The following SOBP variants were observed in gnomAD, a reference collection of about 807,000 sequenced individuals.
SOBP encodes the protein sine oculis-binding protein homolog.
In SOBP, 4 loss-of-function variants were observed where a neutral mutation model predicts 53.6. The observed-to-expected ratio is 0.07, with a 90% CI of 0.04 to 0.17. SOBP has a LOEUF of 0.17. Ranked by LOEUF, SOBP falls within the 10% of genes least tolerant of loss-of-function variation. The pLI is 1.00. For synonymous variants in SOBP, 584 were observed against 522.6 expected (o/e 1.12, Z -1.60); for missense variants, 1,088 against 1,204.7 (o/e 0.90, Z 1.43).
At chr6:107,622,672 C>T (rs1583282606) in intron 5 of SOBP, among the ~76,000 whole-genome samples, 1 of 152,136 alleles carries the variant, frequency 6.6e-6, no homozygotes, top group African/African-American at 2.4e-5. Flanking sequence ...TAAAATGACA[C>T]ACCCCACAGA....
intron 5 of SOBP, among the ~76,000 whole-genome samples, chr6:107,609,197 G>A (rs944827374): frequency 6.6e-6 from 1 of 152,162 alleles, no homozygotes; most frequent in Non-Finnish European, 1.5e-5. Flanking sequence ...ATGTACTATT[G>A]TTGTAGTATC....
intron 4 of SOBP, among the ~76,000 whole-genome samples, chr6:107,546,906 C>CA (rs1260508642): frequency 1.3e-5 from 2 of 152,094 alleles, no homozygotes; most frequent in Non-Finnish European, 2.9e-5. Context: ...CAACTGAAGA[C>CA]AAGGAATAAA....
chr6:107,507,286 T>G (rs1485302364), intron 3 of SOBP, among the ~76,000 whole-genome samples: 1 of 151,962 alleles, frequency 6.6e-6, no homozygotes, highest in African/African-American at 2.4e-5. Context: ...TAAAACATCA[T>G]GAGATTTTTT....
intron 1 of SOBP, among the ~76,000 whole-genome samples, chr6:107,492,054 T>C (rs1222002506): frequency 6.6e-6 from 1 of 152,226 alleles, no homozygotes; most frequent in Non-Finnish European, 1.5e-5. Context: ...AGGAACTTAG[T>C]ACCTGGAAGC....
At chr6:107,520,840 A>G (rs1783463718) in intron 3 of SOBP, among the ~76,000 whole-genome samples, 1 of 152,162 alleles carries the variant, frequency 6.6e-6, no homozygotes, top group African/African-American at 2.4e-5. Flanking sequence ...GTTTCCCTCT[A>G]AGGCAACTTT....
At chr6:107,585,255 G>A (rs547064584) in intron 4 of SOBP, among the ~76,000 whole-genome samples, 3 of 152,280 alleles carry the variant, frequency 2.0e-5, no homozygotes, top group African/African-American at 7.2e-5. Flanking sequence ...AATTGATGTG[G>A]TCCCTGCCTT....
At chr6:107,498,968 C>A (rs1218116992) in intron 1 of SOBP, among the ~76,000 whole-genome samples, 2 of 152,090 alleles carry the variant, frequency 1.3e-5, no homozygotes, top group Non-Finnish European at 2.9e-5. Flanking sequence ...TGAGGAGATT[C>A]CATTTTAATT....
intron 1 of SOBP, among the ~76,000 whole-genome samples, chr6:107,502,452 A>G (rs1365196387): frequency 6.6e-6 from 1 of 152,204 alleles, no homozygotes; most frequent in African/African-American, 2.4e-5. Flanking sequence ...TTGTTTCCAG[A>G]TATAGCAATT....
At chr6:107,573,354 G>A (rs1785130863) in intron 4 of SOBP, among the ~76,000 whole-genome samples, 1 of 151,432 alleles carries the variant, frequency 6.6e-6, no homozygotes, top group South Asian at 2.1e-4. Context: ...TGCCAGCTGA[G>A]GTTTTTTTTT....
chr6:107,648,935 G>A (rs1020918402), intron 6 of SOBP, among the ~76,000 whole-genome samples: 1 of 152,114 alleles, frequency 6.6e-6, no homozygotes, highest in Admixed American at 6.6e-5. Context: ...TGGGCACAGC[G>A]GCTCATGCCT....
chr6:107,659,345 A>G lies in SOBP; in HGVS notation c.*1142A>G, dbSNP rs1477738903. 1 of 152,634 alleles carries G rather than the reference A, an allele frequency of 6.6e-6. No homozygotes were observed. Among genetic ancestry groups the G allele is most frequent in the Non-Finnish European group, 1.5e-5 (1 of 68,040 alleles). The allele number at this position is 152,634 out of a possible 1,614,324, so 9.5% of individuals were successfully genotyped here. On this transcript the variant is annotated 3_prime_UTR_variant, in exon 7 of 7. Coordinates refer to ENST00000317357, the MANE Select transcript of SOBP (RefSeq NM_018013.4). ...ATCCTCAATCAGTGGGTGGAGGATA[A>G]CAGGGTAGATTCACTTGTGTGCACT...
intron 4 of SOBP, among the ~76,000 whole-genome samples, chr6:107,584,625 T>C (rs750549718): frequency 1.3e-5 from 2 of 152,132 alleles, no homozygotes; most frequent in Non-Finnish European, 2.9e-5. Flanking sequence ...GTGAACATAA[T>C]GGTTCAATAA....
chr6:107,528,631 A>T (rs972113565), intron 3 of SOBP, among the ~76,000 whole-genome samples: 2 of 152,206 alleles, frequency 1.3e-5, no homozygotes, highest in South Asian at 4.1e-4. Context: ...ATTGATTAAC[A>T]CTTCAGCTGT....
At chr6:107,601,203 T>C (rs1308308460) in intron 5 of SOBP, among the ~76,000 whole-genome samples, 1 of 152,050 alleles carries the variant, frequency 6.6e-6, no homozygotes, top group African/African-American at 2.4e-5. Flanking sequence ...AGTTGCGGAG[T>C]TTCTTGGGCA....
At chr6:107,632,354 A>C (rs1474836899) in intron 5 of SOBP, among the ~76,000 whole-genome samples, 1 of 150,892 alleles carries the variant, frequency 6.6e-6, no homozygotes, top group Admixed American at 6.6e-5. Context: ...AAAAAGAAAA[A>C]AGATTGTGTG....
intron 1 of SOBP, among the ~76,000 whole-genome samples, chr6:107,492,403 G>A (rs958300063): frequency 9.2e-5 from 14 of 152,120 alleles, no homozygotes; most frequent in Non-Finnish European, 1.9e-4. Context: ...TGATCTATAT[G>A]GATGGCAGCT....
chr6:107,515,862 A>G (rs1783304848), intron 3 of SOBP, among the ~76,000 whole-genome samples: 1 of 152,258 alleles, frequency 6.6e-6, no homozygotes, highest in Non-Finnish European at 1.5e-5. Flanking sequence ...ATACATCATG[A>G]CTAATTTAGA....
At chr6:107,554,352 A>G (rs766850739) in intron 4 of SOBP, among the ~76,000 whole-genome samples, 64 of 152,274 alleles carry the variant, frequency 4.2e-4, no homozygotes, top group Non-Finnish European at 7.8e-4. Flanking sequence ...AGCTTCTTCC[A>G]TTTGCATTAC....
chr6:107,655,114 A>G (rs553781192), intron 6 of SOBP, among the ~76,000 whole-genome samples: 1 of 151,802 alleles, frequency 6.6e-6, no homozygotes, highest in Non-Finnish European at 1.5e-5. Context: ...GAAGACATTT[A>G]GACATGGAGG....
Sources: gnomAD v4.1 joint callset for allele counts (sites outside exome capture counted in the v4.1 genomes callset) on GRCh38, gnomAD v4.1.1 for gene constraint, MANE v1.5 for transcripts, NCBI Gene and HGNC (gene_info 2026-07-23, HGNC 2026-07-21) for gene names.